The following SKIC8 variants were observed in gnomAD, a reference collection of about 807,000 sequenced individuals.
The protein encoded by SKIC8 is superkiller complex protein 8.
chr15:78,283,557 T>C, the SKIC8 span: 4 of 1,441,072 alleles, frequency 2.8e-6, no homozygotes, highest in Non-Finnish European at 2.9e-6. Flanking sequence ...TACAAATGCC[T>C]TTATTCTTTA....
chr15:78,298,930 C>T, the SKIC8 span, among the ~76,000 whole-genome samples: 1 of 152,200 alleles, frequency 6.6e-6, no homozygotes, highest in Non-Finnish European at 1.5e-5. Context: ...TACCAAGATA[C>T]ACTACCTCTT....
the SKIC8 span, chr15:78,290,066 G>A: frequency 1.9e-6 from 3 of 1,614,006 alleles, no homozygotes; most frequent in Non-Finnish European, 2.5e-6. Context: ...CAGATACTGG[G>A]AATCAGGAGA....
At chr15:78,293,483 C>T in the SKIC8 span, 1 of 496,338 alleles carries the variant, frequency 2.0e-6, no homozygotes, top group South Asian at 2.6e-5. Context: ...TCATGTTTAC[C>T]AGGCGACAAG....
the SKIC8 span, chr15:78,293,241 C>T: frequency 6.2e-7 from 1 of 1,614,026 alleles, no homozygotes; most frequent in Non-Finnish European, 8.5e-7. Context: ...TGTTTGTCCC[C>T]CAAGCAACTG....
chr15:78,289,643 C>T, the SKIC8 span: 1 of 1,613,960 alleles, frequency 6.2e-7, no homozygotes, highest in Non-Finnish European at 8.5e-7. Context: ...AGAAGTTTTC[C>T]AGTTGCAATA....
chr15:78,288,234 A>G, the SKIC8 span: 127 of 1,585,434 alleles, frequency 8.0e-5, no homozygotes, highest in Non-Finnish European at 1.1e-4. Context: ...CCTTGTAACA[A>G]TAAAGGGACA....
the SKIC8 span, chr15:78,289,476 T>C: frequency 1.5e-6 from 1 of 656,192 alleles, no homozygotes. Context: ...GACTAAAACC[T>C]GGAGGCATTT....
the SKIC8 span, among the ~76,000 whole-genome samples, chr15:78,297,742 T>C: frequency 3.3e-5 from 5 of 152,210 alleles, no homozygotes; most frequent in Non-Finnish European, 7.3e-5. Flanking sequence ...TTCACGGCCC[T>C]CGCAATTCTA....
At chr15:78,298,912 G>GTATAGGC in the SKIC8 span, among the ~76,000 whole-genome samples, 1 of 152,206 alleles carries the variant, frequency 6.6e-6, no homozygotes, top group South Asian at 2.1e-4. Context: ...ACAAGCTATA[G>GTATAGGC]TATAGGCTAC....
At chr15:78,284,571 T>TA in the SKIC8 span, 2 of 152,198 alleles carry the variant, frequency 1.3e-5, no homozygotes, top group African/African-American at 4.8e-5. Context: ...GGAAGCCTGT[T>TA]AGAAATGCAG....
the SKIC8 span, chr15:78,289,481 G>A: frequency 1.5e-6 from 1 of 660,822 alleles, no homozygotes; most frequent in Non-Finnish European, 2.6e-6. Context: ...AAACCTGGAG[G>A]CATTTCAGTT....
the SKIC8 span, among the ~76,000 whole-genome samples, chr15:78,287,649 A>G: frequency 1.9e-4 from 29 of 152,230 alleles, no homozygotes; most frequent in African/African-American, 6.8e-4. Context: ...CATAGTATCA[A>G]GAACACAGAT....
At chr15:78,293,328 C>T in the SKIC8 span, 11 of 1,466,316 alleles carry the variant, frequency 7.5e-6, no homozygotes, top group African/African-American at 1.4e-5. Flanking sequence ...TTAATGAAGC[C>T]GAGATACTGT....
chr15:78,285,656 T>G, the SKIC8 span: 5 of 461,584 alleles, frequency 1.1e-5, no homozygotes, highest in South Asian at 1.6e-4. Flanking sequence ...CACTGTGCAA[T>G]GCCTTCAAGT....
chr15:78,289,634 G>A, the SKIC8 span: 1 of 1,613,650 alleles, frequency 6.2e-7, no homozygotes, highest in East Asian at 2.2e-5. Flanking sequence ...AGGGTATGCA[G>A]AAGTTTTCCA....
the SKIC8 span, chr15:78,292,669 C>T: frequency 4.3e-5 from 69 of 1,614,064 alleles, no homozygotes; most frequent in Non-Finnish European, 5.0e-5. Context: ...GTCCCAAAGA[C>T]GAATATGAGC....
chr15:78,292,902 C>T, the SKIC8 span: 1 of 1,255,520 alleles, frequency 8.0e-7, no homozygotes, highest in Non-Finnish European at 1.1e-6. Context: ...AATACAGAAT[C>T]AGAGAAGAGT....
the SKIC8 span, chr15:78,285,011 A>C: frequency 2.1e-6 from 1 of 482,714 alleles, no homozygotes; most frequent in Non-Finnish European, 3.7e-6. Flanking sequence ...CTGTGGGGCT[A>C]ACACCATGTT....
At chr15:78,293,150 A>G in the SKIC8 span, 3 of 1,606,884 alleles carry the variant, frequency 1.9e-6, no homozygotes, top group Non-Finnish European at 2.6e-6. Flanking sequence ...GCTGTATGTT[A>G]GGGGAGAGGC....
Sources: gnomAD v4.1 joint callset for allele counts (sites outside exome capture counted in the v4.1 genomes callset) on GRCh38, gnomAD v4.1.1 for gene constraint, MANE v1.5 for transcripts, NCBI Gene and HGNC (gene_info 2026-07-23, HGNC 2026-07-21) for gene names.